SDK1: variants seen among roughly 807,000 people sequenced by gnomAD.
SDK1 encodes the protein protein sidekick-1.
SDK1 carries 157 observed loss-of-function variants against 245.5 expected under a neutral mutation model. That is an observed-to-expected ratio of 0.64 (90% CI 0.56 to 0.73). The LOEUF (loss-of-function observed/expected upper bound fraction) is 0.73, where lower values mean the gene tolerates loss of function less well. SDK1 is among the 30% of genes least tolerant of loss of function. The pLI is 0.00. For synonymous variants in SDK1, 1,647 were observed against 1,278.5 expected (o/e 1.29, Z -6.15); for missense variants, 3,583 against 3,002.3 (o/e 1.19, Z -4.52).
At chr7:3,821,427 T>C in intron 4 of SDK1, 23 bp from the exon 5 acceptor site, 6 of 1,606,750 alleles carry the variant, frequency 3.7e-6, no homozygotes, top group Non-Finnish European at 5.1e-6. Flanking sequence ...GCTTTGACAC[T>C]GTCCTCTTCT....
chr7:3,379,303 A>G (rs1346858643), intron 1 of SDK1, among the ~76,000 whole-genome samples: 1 of 152,164 alleles, frequency 6.6e-6, no homozygotes, highest in Non-Finnish European at 1.5e-5. Flanking sequence ...GCACACACGT[A>G]GTTCTTGTTC....
intron 17 of SDK1, among the ~76,000 whole-genome samples, chr7:4,036,707 A>G (rs1460632942): frequency 6.6e-6 from 1 of 152,170 alleles, no homozygotes; most frequent in Non-Finnish European, 1.5e-5. Context: ...TAGCACCCTT[A>G]TGAAAGAGAC....
chr7:3,762,325 G>A (rs1780130076), intron 4 of SDK1, among the ~76,000 whole-genome samples: 1 of 152,180 alleles, frequency 6.6e-6, no homozygotes, highest in South Asian at 2.1e-4. Flanking sequence ...AAAACAGACT[G>A]CACCTGCTGC....
At chr7:4,010,827 A>G (rs1186862161) in intron 14 of SDK1, 139 bp from the exon 15 acceptor site, 1 of 866,204 alleles carries the variant, frequency 1.2e-6, no homozygotes, top group Non-Finnish European at 1.7e-6. Flanking sequence ...CACACCTGCT[A>G]AATGGGATAA....
At chr7:3,369,488 A>G (rs553777607) in intron 1 of SDK1, among the ~76,000 whole-genome samples, 3 of 152,352 alleles carry the variant, frequency 2.0e-5, no homozygotes, top group East Asian at 3.9e-4. Flanking sequence ...TTATAGGGCA[A>G]GCTTGCCAAC....
rs1300600516 is a variant in SDK1, at chr7:4,161,838, T to C, written c.4782T>C (p.Ser1594=). The C allele has an allele frequency of 1.2e-6, 2 of 1,614,022 alleles. No individual in the cohort carries two copies. The highest frequency in any genetic ancestry group is 1.3e-5 in the African/African-American group (1 of 74,938). ...SVSATPHTTS[S]VLIQWQPPRD... ...CAGCGACGCCACACACCACGTCCTC[T>C]GTCCTGATACAGTGGCAGGTAAGAG... The change falls in exon 32 of 45, where the codon TCT becomes TCC. Residue 1594 remains serine (S), a synonymous_variant. Transcript: ENST00000404826.
intron 4 of SDK1, among the ~76,000 whole-genome samples, chr7:3,743,710 G>A (rs963612019): frequency 2.0e-5 from 3 of 152,162 alleles, no homozygotes; most frequent in Admixed American, 6.5e-5. Flanking sequence ...AGATGTCGGA[G>A]GAGGAGGAAG....
Position 3,758,319 on chromosome 7 carries a change from C to A in SDK1, c.714-63131C>A, listed in dbSNP as rs112831409. On this transcript the variant is annotated intron_variant, in intron 4 of 44. Transcript: ENST00000404826. Reference sequence around the variant, plus strand: ...GGTGATTTTTCTCATTTCCCTCATTCTTCCTACATTTGTTTTTTGGAATTT... The same window carrying A: ...GGTGATTTTTCTCATTTCCCTCATTATTCCTACATTTGTTTTTTGGAATTT... Among the ~76,000 whole-genome samples the A allele has an allele frequency of 4.1e-3, 627 of 152,260 alleles. 4 individuals carry two copies. The highest frequency in any genetic ancestry group is 0.013 in the African/African-American group (548 of 41,556).
chr7:4,049,586 G>C (rs917391888), intron 18 of SDK1, 123 bp downstream of exon 18: 5 of 691,600 alleles, frequency 7.2e-6, no homozygotes, highest in Middle Eastern at 2.4e-4. Flanking sequence ...AGGGCGTCTT[G>C]ACCTTGGTGA....
At chr7:3,318,595 C>G (rs774326876) in intron 1 of SDK1, among the ~76,000 whole-genome samples, 2 of 152,168 alleles carry the variant, frequency 1.3e-5, no homozygotes, top group Non-Finnish European at 2.9e-5. Context: ...GACCTTTTGT[C>G]TTACCTTGGT....
rs1312323437 is a variant in SDK1, at chr7:4,151,873, A to T, written c.4625+2410A>T. On this transcript the variant is annotated intron_variant, in intron 30 of 44. Coordinates refer to ENST00000404826, the MANE Select transcript of SDK1 (RefSeq NM_152744.4). ...AAGGGATATTTCCTGAGGTTTTTGT[A>T]GTTGTCACATTCCGTGAGCCAGAGG... Among the ~76,000 whole-genome samples, 4 of 152,202 alleles carry T rather than the reference A, an allele frequency of 2.6e-5. No homozygotes were observed. The East Asian group carries it at 7.7e-4, about 29-fold the overall frequency.
chr7:3,384,833 T>C (rs1324128001), intron 1 of SDK1, among the ~76,000 whole-genome samples: 1 of 152,240 alleles, frequency 6.6e-6, no homozygotes, highest in Non-Finnish European at 1.5e-5. Context: ...TGTATGCTTG[T>C]ATTTTTATTT....
chr7:3,552,212 T>C (rs1293687784), intron 1 of SDK1, among the ~76,000 whole-genome samples: 1 of 152,146 alleles, frequency 6.6e-6, no homozygotes, highest in African/African-American at 2.4e-5. Context: ...TAATTTTTTG[T>C]ATTTTTAGTA....
intron 12 of SDK1, among the ~76,000 whole-genome samples, chr7:3,974,128 G>A (rs1241994315): frequency 1.3e-5 from 2 of 149,736 alleles, no homozygotes; most frequent in African/African-American, 4.9e-5. Context: ...AGGCTGCAGT[G>A]GGCCAAGATC....
At chr7:3,845,142 A>G (rs113676417) in intron 5 of SDK1, among the ~76,000 whole-genome samples, 2,910 of 152,238 alleles carry the variant, frequency 0.019, 97 homozygotes, top group African/African-American at 0.066. Context: ...AGGCTGGGCC[A>G]CTTCAGCCTG....
chr7:3,934,629 C>G (rs1326612814), intron 5 of SDK1, among the ~76,000 whole-genome samples: 1 of 152,356 alleles, frequency 6.6e-6, no homozygotes, highest in East Asian at 1.9e-4. Flanking sequence ...GCCAGATGCT[C>G]TGAAGCATGC....
intron 1 of SDK1, among the ~76,000 whole-genome samples, chr7:3,331,109 C>G (rs1780057616): frequency 6.6e-6 from 1 of 151,880 alleles, no homozygotes; most frequent in Non-Finnish European, 1.5e-5. Context: ...ACTAAAAATA[C>G]AAAAATTAGC....
intron 22 of SDK1, 128 bp downstream of exon 22, chr7:4,079,712 C>G (rs1207535324): frequency 2.2e-6 from 3 of 1,350,878 alleles, no homozygotes; most frequent in Non-Finnish European, 3.1e-6. Context: ...GAGGGAGAAC[C>G]AGGGGCTGGA....
intron 32 of SDK1, among the ~76,000 whole-genome samples, chr7:4,169,384 T>A (rs1282260861): frequency 6.6e-6 from 1 of 152,074 alleles, no homozygotes; most frequent in African/African-American, 2.4e-5. Context: ...GACCTGCCCC[T>A]GCCCTTCATG....
Sources: gnomAD v4.1 joint callset for allele counts (sites outside exome capture counted in the v4.1 genomes callset) on GRCh38, gnomAD v4.1.1 for gene constraint, MANE v1.5 for transcripts, NCBI Gene and HGNC (gene_info 2026-07-23, HGNC 2026-07-21) for gene names.